The following EML6 variants were observed in gnomAD, a reference collection of about 807,000 sequenced individuals.
EML6 encodes the protein EMAP like 6, also known as echinoderm microtubule-associated protein-like 6.
Under a neutral mutation model 240.1 loss-of-function variants are expected in EML6, and 154 were observed. That is an observed-to-expected ratio of 0.64 (90% CI 0.56 to 0.73). The LOEUF is 0.73. Among genes scored for constraint, EML6 ranks in the 30% least tolerant of loss-of-function variants. The pLI is 0.00. For synonymous variants in EML6, 1,148 were observed against 899.0 expected (o/e 1.28, Z -4.95); for missense variants, 2,964 against 2,474.6 (o/e 1.20, Z -4.20).
intron 5 of EML6, among the ~76,000 whole-genome samples, chr2:54,823,407 G>T (rs1156506566): frequency 6.6e-6 from 1 of 152,030 alleles, no homozygotes; most frequent in East Asian, 1.9e-4. Context: ...CTTGGCTCAT[G>T]ATATGTTCCA....
chr2:54,913,048 A>G (rs200098205), intron 25 of EML6, among the ~76,000 whole-genome samples: 2 of 128,044 alleles, frequency 1.6e-5, no homozygotes, highest in African/African-American at 2.9e-5. Flanking sequence ...CATTCCCTTT[A>G]CTCTTCAGCC....
intron 7 of EML6, among the ~76,000 whole-genome samples, chr2:54,840,568 A>G (rs1472170087): frequency 6.6e-6 from 1 of 152,216 alleles, no homozygotes; most frequent in Non-Finnish European, 1.5e-5. Flanking sequence ...AGTGCTGAAT[A>G]AAAATTTCTG....
At chr2:54,779,414 C>T (rs917176468) in intron 2 of EML6, among the ~76,000 whole-genome samples, 6 of 151,682 alleles carry the variant, frequency 4.0e-5, no homozygotes, top group Non-Finnish European at 5.9e-5. Context: ...GGTGTGGTAG[C>T]GGGTGCCTGT....
chr2:54,850,523 T>C (rs1282729997), intron 10 of EML6, among the ~76,000 whole-genome samples: 1 of 151,290 alleles, frequency 6.6e-6, no homozygotes, highest in Non-Finnish European at 1.5e-5. Flanking sequence ...ATTGTTATAA[T>C]GGACAAAAGA....
At chr2:54,732,937 T>C (rs116444878) in intron 2 of EML6, among the ~76,000 whole-genome samples, 184 of 152,348 alleles carry the variant, frequency 1.2e-3, no homozygotes, top group Non-Finnish European at 2.4e-3. Context: ...CACAGGTCTG[T>C]TGAGCCAGCT....
intron 22 of EML6, among the ~76,000 whole-genome samples, chr2:54,900,318 C>G (rs969543660): frequency 3.3e-5 from 5 of 152,152 alleles, no homozygotes; most frequent in Non-Finnish European, 7.3e-5. Flanking sequence ...ATGGTCCCAT[C>G]TCTAGTGTCA....
chr2:54,798,101 T>C (rs1347879098), intron 2 of EML6, among the ~76,000 whole-genome samples: 2 of 152,188 alleles, frequency 1.3e-5, no homozygotes, highest in Non-Finnish European at 2.9e-5. Context: ...TTAACAATAA[T>C]TGAGTTTTTC....
Position 54,787,991 on chromosome 2 carries a change from A to C in EML6, c.198-25241A>C, listed in dbSNP as rs557872180. Among the ~76,000 whole-genome samples the C allele has an allele frequency of 3.0e-4, 46 of 152,122 alleles. 2 individuals are homozygous for C. Among genetic ancestry groups the C allele is most frequent in the Admixed American group, 1.4e-3 (22 of 15,284 alleles). Reference sequence around the variant, plus strand: ...CTGTTCCTCATCTCGCAGACCCAAAAACCCAGCACACCCCACAGCTGTTGA... The same window carrying C: ...CTGTTCCTCATCTCGCAGACCCAAACACCCAGCACACCCCACAGCTGTTGA... On this transcript the variant is annotated intron_variant, in intron 2 of 41. Transcript: ENST00000356458.
chr2:54,833,093 C>T (rs1049797835), intron 7 of EML6, among the ~76,000 whole-genome samples: 25 of 152,176 alleles, frequency 1.6e-4, no homozygotes, highest in African/African-American at 5.1e-4. Context: ...ATCATGGCCA[C>T]GGCCCAGTTC....
At chr2:54,871,690 CGT>C (rs759639840) in intron 16 of EML6, 85 bp downstream of exon 16, 19 of 943,344 alleles carry the variant, frequency 2.0e-5, no homozygotes, top group South Asian at 5.7e-5. Context: ...TGCGCGCACG[CGT>C]GTGTGTGTAT....
chr2:54,968,528 C>G, intron 40 of EML6, 140 bp from the exon 41 acceptor site: 2 of 676,656 alleles, frequency 3.0e-6, no homozygotes, highest in Non-Finnish European at 5.2e-6. Context: ...CAAAGGCTGG[C>G]TAATAGATGA....
chr2:54,781,087 C>A (rs1190006439), intron 2 of EML6, among the ~76,000 whole-genome samples: 1 of 152,180 alleles, frequency 6.6e-6, no homozygotes, highest in African/African-American at 2.4e-5. Context: ...TTACTACCTG[C>A]CTGCATTGCT....
chr2:54,760,688 T>C (rs1177955698), intron 2 of EML6, among the ~76,000 whole-genome samples: 6 of 152,176 alleles, frequency 3.9e-5, no homozygotes, highest in Admixed American at 3.9e-4. Flanking sequence ...AAGAAGTAAG[T>C]TTCTATCTTT....
Position 54,952,638 on chromosome 2 carries a change from C to T in EML6, c.4258C>T (p.Leu1420Phe), listed in dbSNP as rs749353465. The change falls in exon 31 of 42, where the codon CTC becomes TTC. Residue 1420 changes from leucine to phenylalanine, a missense_variant. Leu to Phe is a conservative substitution (Grantham distance 22). Transcript: ENST00000356458. ...GGAGCACACAGATGACATCCTCTGT[C>T]TCACAGTGAACCAGCACCCCAAGTA... ...YLEHTDDILC[L>F]TVNQHPKYRN... The T allele has an allele frequency of 1.9e-6, 3 of 1,551,466 alleles. No homozygotes were observed. In the South Asian group the frequency reaches 3.6e-5, roughly 18 times the overall value.
intron 17 of EML6, chr2:54,880,566 G>T (rs1382929553): frequency 6.6e-6 from 1 of 152,198 alleles, no homozygotes; most frequent in East Asian, 1.9e-4. Flanking sequence ...GACTCCAACT[G>T]ACCATCTTCG....
intron 25 of EML6, among the ~76,000 whole-genome samples, chr2:54,913,197 C>G (rs1420320165): frequency 6.7e-6 from 1 of 149,880 alleles, no homozygotes; most frequent in African/African-American, 2.5e-5. Context: ...TTGTTGGCTG[C>G]TTGTATGTCT....
In EML6 at chr2:54,766,668, G is replaced by A. The variant is rs114362311; in HGVS notation, c.197+41410G>A. Among the ~76,000 whole-genome samples the A allele has an allele frequency of 6.0e-3, 919 of 152,148 alleles. 4 individuals are homozygous for A. The highest frequency in any genetic ancestry group is 0.021 in the African/African-American group (887 of 41,514). ...CATATATCTTGTGGAAATACAGTTT[G>A]AGTCTGTGTAAATATCTGTTTCTAA... On this transcript the variant is annotated intron_variant, in intron 2 of 41. Transcript: ENST00000356458.
At chr2:54,792,033 G>C (rs1468315971) in intron 2 of EML6, among the ~76,000 whole-genome samples, 1 of 152,212 alleles carries the variant, frequency 6.6e-6, no homozygotes, top group Non-Finnish European at 1.5e-5. Flanking sequence ...GCAGACATCA[G>C]AATGCGCCTG....
intron 5 of EML6, among the ~76,000 whole-genome samples, chr2:54,824,055 A>T (rs1274729630): frequency 1.3e-5 from 2 of 152,052 alleles, no homozygotes; most frequent in Non-Finnish European, 2.9e-5. Flanking sequence ...ACTCCTATAG[A>T]GCTCTTTACA....
Sources: allele counts gnomAD v4.1 joint callset (sites outside exome capture counted in the v4.1 genomes callset), GRCh38; gene constraint gnomAD v4.1.1; transcripts MANE v1.5; gene names NCBI Gene and HGNC (gene_info 2026-07-23, HGNC 2026-07-21).